The following DMXL1 variants were observed in gnomAD, a reference collection of about 807,000 sequenced individuals.
The protein encoded by DMXL1 is dmX-like protein 1.
A neutral mutation model predicts 319.2 loss-of-function variants in DMXL1; 99 were observed. That is an observed-to-expected ratio of 0.31 (90% CI 0.26 to 0.37). DMXL1 has a LOEUF of 0.37. DMXL1 is among the 10% of genes least tolerant of loss of function. The probability of loss-of-function intolerance (pLI) is 1.00; values close to 1 mark genes in which losing one functional copy is unlikely to be tolerated. For missense variants in DMXL1, 3,745 were observed against 3,595.6 expected (o/e 1.04, Z -1.06); for synonymous variants, 1,385 against 1,235.2 (o/e 1.12, Z -2.54).
At chr5:119,167,997 G>GTTGT (rs1422724552) in intron 23 of DMXL1, 133 bp downstream of exon 23, 2 of 826,988 alleles carry the variant, frequency 2.4e-6, no homozygotes, top group Non-Finnish European at 3.4e-6. Flanking sequence ...TTTTTGGTTG[G>GTTGT]TTGTTTGGTT....
Position 119,128,699 on chromosome 5 carries a change from A to G in DMXL1, c.1103-512A>G, listed in dbSNP as rs116113719. 8.1e-3 allele frequency among the ~76,000 whole-genome samples: 1,229 copies of G among 152,304 alleles called. 4 individuals are homozygous for G. The highest frequency in any genetic ancestry group is 0.013 in the Non-Finnish European group (889 of 68,012). On this transcript the variant is annotated intron_variant, in intron 9 of 43. Transcript: ENST00000539542. ...ATAATGTGGGAGGCTATGCATATGT[A>G]GGATGGGGAATATGGCTGTACCTTT...
At chr5:119,116,474 T>C (rs1281629273) in intron 7 of DMXL1, 138 bp downstream of exon 7, 2 of 909,428 alleles carry the variant, frequency 2.2e-6, no homozygotes, top group African/African-American at 1.7e-5. Context: ...AAATCGTCTC[T>C]GGCCTGCACA....
chr5:119,118,297 C>A (rs1761285818), intron 7 of DMXL1, among the ~76,000 whole-genome samples: 1 of 152,026 alleles, frequency 6.6e-6, no homozygotes, highest in African/African-American at 2.4e-5. Context: ...TGTGCAGGTG[C>A]CTTTATAGGA....
chr5:119,177,343 T>C lies in DMXL1; in HGVS notation c.6759-14T>C. On this transcript the variant is annotated splice_polypyrimidine_tract_variant and intron_variant, in intron 26 of 43. Coordinates refer to ENST00000539542, the MANE Select transcript of DMXL1 (RefSeq NM_001290321.3). ...AAATTTATCATAGATTTAAATATTG[T>C]TTTTTTCTCTTAGTTCATTTCAGAC... 6.8e-7 allele frequency: 1 copy of C among 1,465,808 alleles called. No homozygotes were observed. Among genetic ancestry groups the C allele is most frequent in the African/African-American group, 1.4e-5 (1 of 69,900 alleles). The allele number at this position is 1,465,808 out of a possible 1,614,324, so 90.8% of individuals were successfully genotyped here. A position where few individuals can be genotyped will look rare whatever the true frequency, so the allele number is the denominator to read the frequency against.
At chr5:119,217,560 C>T (rs759012406) in intron 35 of DMXL1, among the ~76,000 whole-genome samples, 11 of 152,134 alleles carry the variant, frequency 7.2e-5, no homozygotes, top group Non-Finnish European at 1.3e-4. Flanking sequence ...AATTGCCTTA[C>T]TGTATGGTTC....
intron 5 of DMXL1, among the ~76,000 whole-genome samples, chr5:119,111,820 TTAAAAA>T (rs1445251954): frequency 6.6e-6 from 1 of 151,218 alleles, no homozygotes; most frequent in Non-Finnish European, 1.5e-5. Flanking sequence ...ATAGCACATA[TTAAAAA>T]TAAGTGCAAT....
chr5:119,097,601 C>G (rs1294650866), intron 1 of DMXL1, among the ~76,000 whole-genome samples: 1 of 152,172 alleles, frequency 6.6e-6, no homozygotes, highest in Non-Finnish European at 1.5e-5. Context: ...CCTGTAGTCT[C>G]AGCTACTCAG....
intron 10 of DMXL1, 109 bp from the exon 11 acceptor site, chr5:119,133,023 C>T: frequency 8.1e-7 from 1 of 1,233,400 alleles, no homozygotes; most frequent in Non-Finnish European, 1.1e-6. Flanking sequence ...CCATGCTCTC[C>T]TTAGGCATGA....
At chr5:119,112,151 C>T (rs948064465) in intron 5 of DMXL1, among the ~76,000 whole-genome samples, 3 of 151,990 alleles carry the variant, frequency 2.0e-5, no homozygotes, top group African/African-American at 4.8e-5. Context: ...TTAGTGGAAA[C>T]GAGGTTTCAC....
intron 35 of DMXL1, among the ~76,000 whole-genome samples, chr5:119,220,176 C>T (rs758328398): frequency 2.5e-4 from 38 of 152,142 alleles, no homozygotes; most frequent in Non-Finnish European, 4.6e-4. Flanking sequence ...CTGAATTGTG[C>T]ATACCTTAGA....
intron 9 of DMXL1, among the ~76,000 whole-genome samples, chr5:119,121,745 G>A (rs1396662106): frequency 5.3e-5 from 8 of 152,134 alleles, no homozygotes; most frequent in Non-Finnish European, 1.2e-4. Context: ...CACCCTTTCT[G>A]TTCCACAAAA....
chr5:119,221,224 TAATG>T, intron 37 of DMXL1, 143 bp downstream of exon 37: 2 of 558,446 alleles, frequency 3.6e-6, no homozygotes, highest in East Asian at 2.9e-5. Flanking sequence ...TAAATTTTGA[TAATG>T]AAGACTAGTA....
chr5:119,213,561 A>G (rs1400662508), intron 34 of DMXL1, among the ~76,000 whole-genome samples: 1 of 152,200 alleles, frequency 6.6e-6, no homozygotes, highest in Admixed American at 6.5e-5. Context: ...CTATGTAGCA[A>G]AATTCACTTA....
At chr5:119,225,069 T>C (rs1442788916) in intron 38 of DMXL1, among the ~76,000 whole-genome samples, 1 of 152,024 alleles carries the variant, frequency 6.6e-6, no homozygotes, top group Non-Finnish European at 1.5e-5. Context: ...AGTTAACACA[T>C]TTTATCTTTG....
At chr5:119,079,349 C>G (rs149451733) in intron 1 of DMXL1, among the ~76,000 whole-genome samples, 7 of 152,330 alleles carry the variant, frequency 4.6e-5, no homozygotes, top group African/African-American at 1.7e-4. Context: ...GTTAATCAGT[C>G]TTCTTGGTGC....
At chr5:119,132,709 T>A in intron 10 of DMXL1, 1 of 483,984 alleles carries the variant, frequency 2.1e-6, no homozygotes, top group Non-Finnish European at 4.1e-6. Flanking sequence ...GTCCCTTTTC[T>A]GGGTTGACAA....
rs117683228 is a variant in DMXL1, at chr5:119,112,121, C to T, written c.497+1838C>T. On this transcript the variant is annotated intron_variant, in intron 5 of 43. Transcript: ENST00000539542. ...GACTACAGGCGCTCTACCACCATGC[C>T]CGGCTAATTTTTTGTGTTTTTAGTG... is the stretch of plus-strand genomic sequence containing the variant. Among the ~76,000 whole-genome samples the T allele has an allele frequency of 2.9e-3, 444 of 152,262 alleles. 6 individuals are homozygous for T. In the East Asian group the frequency reaches 0.04, roughly 14 times the overall value.
At position 119,240,678 on chromosome 5, in the gene DMXL1, G is replaced by A. The variant is rs188050346; in HGVS notation, c.8704+207G>A. 4.6e-5 allele frequency among the ~76,000 whole-genome samples: 7 copies of A among 152,188 alleles called. No homozygotes were observed. In the East Asian group the frequency reaches 1.3e-3, roughly 29 times the overall value. ...CCTTGATGGGGGACAGTGAGACATC[G>A]ATAATATAAAAATCATTTGTCTTTA... On this transcript the variant is annotated intron_variant, in intron 42 of 43. Coordinates refer to ENST00000539542, the MANE Select transcript of DMXL1 (RefSeq NM_001290321.3).
chr5:119,142,973 G>A (rs936917390), intron 13 of DMXL1, among the ~76,000 whole-genome samples: 1 of 152,054 alleles, frequency 6.6e-6, no homozygotes, highest in African/African-American at 2.4e-5. Flanking sequence ...AAACTAACAG[G>A]AATAGAAAAC....
Sources: allele counts gnomAD v4.1 joint callset (sites outside exome capture counted in the v4.1 genomes callset), GRCh38; gene constraint gnomAD v4.1.1; transcripts MANE v1.5; gene names NCBI Gene and HGNC (gene_info 2026-07-23, HGNC 2026-07-21).